Variants in FSIP1 observed in about 807,000 individuals in gnomAD.
FSIP1 encodes the protein fibrous sheath-interacting protein 1.
Under a neutral mutation model 60.9 loss-of-function variants are expected in FSIP1, and 65 were observed. The ratio of observed to expected loss-of-function variants is 1.07; its 90% CI spans 0.87 to 1.31. The LOEUF is 1.31. Among genes scored for constraint, FSIP1 ranks in the 40% most tolerant of loss-of-function variants. The pLI, the probability that FSIP1 is intolerant of heterozygous loss-of-function variation, is 0.00. For missense variants in FSIP1, 675 were observed against 665.5 expected (o/e 1.01, Z -0.16); for synonymous variants, 209 against 221.2 (o/e 0.94, Z 0.49).
At chr15:39,628,124 A>T (rs1891720241) in intron 10 of FSIP1, among the ~76,000 whole-genome samples, 1 of 152,192 alleles carries the variant, frequency 6.6e-6, no homozygotes, top group Non-Finnish European at 1.5e-5. Context: ...CTCATGGATT[A>T]ATAGGTGGTT....
chr15:39,770,512 G>A lies in FSIP1; in HGVS notation c.225C>T (p.Ser75=). 6.2e-7 allele frequency: 1 copy of A among 1,611,670 alleles called. No homozygotes were observed. Among genetic ancestry groups the A allele is most frequent in the Non-Finnish European group, 8.5e-7 (1 of 1,179,536 alleles). The change falls in exon 3 of 12, where the codon AGC becomes AGT. Residue 75 remains serine (S), a synonymous_variant. Coordinates refer to ENST00000350221, the MANE Select transcript of FSIP1 (RefSeq NM_152597.5). ...CAGCCAATTTTATTTTCTCAGAGCA[G>A]CTTTCCTGCTTATCATCATTACTAG... ...RRTSNDDKQE[S]CSEKIKLAEE...
At chr15:39,745,483 A>C (rs1896962996) in intron 5 of FSIP1, among the ~76,000 whole-genome samples, 1 of 152,220 alleles carries the variant, frequency 6.6e-6, no homozygotes. Flanking sequence ...ATTTCAGAAA[A>C]ATTAATAAAA....
intron 4 of FSIP1, 88 bp from the exon 5 acceptor site, chr15:39,764,002 A>G: frequency 1.4e-6 from 1 of 715,240 alleles, no homozygotes; most frequent in South Asian, 1.6e-5. Flanking sequence ...GCTCCCAATC[A>G]CATACGTACA....
At chr15:39,710,461 A>C (rs1387227904) in intron 10 of FSIP1, among the ~76,000 whole-genome samples, 1 of 149,478 alleles carries the variant, frequency 6.7e-6, no homozygotes, top group Non-Finnish European at 1.5e-5. Context: ...AAAAAAAAAA[A>C]CATAAAACAG....
chr15:39,710,613 T>C (rs1034189606), intron 10 of FSIP1, among the ~76,000 whole-genome samples: 2 of 152,146 alleles, frequency 1.3e-5, no homozygotes, highest in African/African-American at 4.8e-5. Flanking sequence ...AACAAGTTTA[T>C]CACACTTTAA....
intron 10 of FSIP1, among the ~76,000 whole-genome samples, chr15:39,647,786 G>A (rs1234397163): frequency 1.3e-5 from 2 of 151,976 alleles, no homozygotes; most frequent in Non-Finnish European, 1.5e-5. Flanking sequence ...TTTCCAAAAG[G>A]TCTATGTTTA....
intron 5 of FSIP1, among the ~76,000 whole-genome samples, chr15:39,754,361 CTG>C (rs780902469): frequency 6.6e-6 from 1 of 152,030 alleles, no homozygotes; most frequent in African/African-American, 2.4e-5. Context: ...CCCACAGAAA[CTG>C]TGAGATTATA....
chr15:39,712,540 C>T (rs1209488909), intron 10 of FSIP1, among the ~76,000 whole-genome samples: 1 of 152,150 alleles, frequency 6.6e-6, no homozygotes, highest in Non-Finnish European at 1.5e-5. Context: ...TTGGTTAAAA[C>T]TCAAAGAAGC....
intron 10 of FSIP1, among the ~76,000 whole-genome samples, chr15:39,653,062 G>T (rs758037176): frequency 1.3e-5 from 2 of 151,544 alleles, no homozygotes; most frequent in African/African-American, 4.8e-5. Context: ...TGTAGTCCCA[G>T]CTACTTGGGA....
At chr15:39,753,054 A>G (rs1940169519) in intron 5 of FSIP1, among the ~76,000 whole-genome samples, 1 of 152,162 alleles carries the variant, frequency 6.6e-6, no homozygotes, top group South Asian at 2.1e-4. Flanking sequence ...ATTGCATGTT[A>G]GTAAATTTTT....
At chr15:39,690,176 G>C (rs923067546) in intron 10 of FSIP1, among the ~76,000 whole-genome samples, 1 of 152,234 alleles carries the variant, frequency 6.6e-6, no homozygotes, top group Non-Finnish European at 1.5e-5. Context: ...GAGCTATGGC[G>C]AGAGATGAGA....
chr15:39,739,711 T>C lies in FSIP1; in HGVS notation c.734A>G (p.Glu245Gly). The C allele has an allele frequency of 6.2e-7, 1 of 1,602,054 alleles. No homozygotes were observed. The change falls in exon 7 of 12, where the codon GAG (glutamate) becomes GGG (glycine). Residue 245 changes from glutamate to glycine, a missense_variant. Coordinates refer to ENST00000350221, the MANE Select transcript of FSIP1 (RefSeq NM_152597.5). ...ATCCTGGTTGTGTTTACCCCTGAGCTCAATCTTTTCTGTATTCGAGAAAGG... is the reference window on the plus strand; with the variant it reads ...ATCCTGGTTGTGTTTACCCCTGAGCCCAATCTTTTCTGTATTCGAGAAAGG... ...KKPFSNTEKI[E>G]LRGKHNQDFI...
At chr15:39,713,699 C>T (rs1002841358) in intron 9 of FSIP1, 118 bp from the exon 10 acceptor site, 28 of 915,148 alleles carry the variant, frequency 3.1e-5, no homozygotes, top group Non-Finnish European at 4.2e-5. Context: ...TATTTCTTCC[C>T]TTCAAAACAA....
At position 39,618,141 on chromosome 15, in the gene FSIP1, C is replaced by T; in HGVS notation, c.1293G>A (p.Lys431=). ...CAGGTGTTACGTCCTCAATGTCTTCCTTTTTTCTTTCTGAAGAAAGTTTAA... is the reference window on the plus strand; with the variant it reads ...CAGGTGTTACGTCCTCAATGTCTTCTTTTTTTCTTTCTGAAGAAAGTTTAA... ...SIIKLSSERK[K]EDIEDVTPVF... The change falls in exon 11 of 12, where the codon AAG becomes AAA. Residue 431 remains lysine, a synonymous_variant. Transcript: ENST00000350221. The T allele has an allele frequency of 6.2e-7, 1 of 1,614,108 alleles. No homozygotes were observed. Among genetic ancestry groups the T allele is most frequent in the Non-Finnish European group, 8.5e-7 (1 of 1,179,998 alleles).
chr15:39,632,503 T>C (rs537820127), intron 10 of FSIP1, among the ~76,000 whole-genome samples: 8 of 152,146 alleles, frequency 5.3e-5, no homozygotes, highest in African/African-American at 1.2e-4. Flanking sequence ...AATATAGAAA[T>C]AACTGTCTTG....
intron 10 of FSIP1, among the ~76,000 whole-genome samples, chr15:39,709,440 C>T (rs1056674627): frequency 3.0e-4 from 46 of 152,204 alleles, no homozygotes; most frequent in Admixed American, 3.0e-3. Context: ...TCAAAAGTAA[C>T]TTTCAATAGA....
intron 11 of FSIP1, among the ~76,000 whole-genome samples, chr15:39,606,626 T>A (rs548993007): frequency 2.4e-3 from 368 of 152,298 alleles, no homozygotes; most frequent in African/African-American, 8.5e-3. Context: ...TGCTAACTTA[T>A]ACAATTTTTC....
chr15:39,711,508 C>A (rs573550603), intron 10 of FSIP1, among the ~76,000 whole-genome samples: 7 of 152,032 alleles, frequency 4.6e-5, no homozygotes, highest in Non-Finnish European at 7.4e-5. Flanking sequence ...GAGTGACAGG[C>A]TTAGCCCGCC....
In FSIP1 at chr15:39,741,806, T is replaced by G. The variant is rs78959490; in HGVS notation, c.654A>C (p.Lys218Asn). 348 of 1,497,772 alleles carry G rather than the reference T, an allele frequency of 2.3e-4. No homozygotes were observed. Among genetic ancestry groups the G allele is most frequent in the Non-Finnish European group, 3.1e-4 (331 of 1,075,436 alleles). The allele number at this position is 1,497,772 out of a possible 1,614,324, so 92.8% of individuals were successfully genotyped here. Residue 218 changes from lysine to asparagine, a missense_variant and splice_region_variant, in exon 6 of 12, where the codon AAA becomes AAC. Transcript: ENST00000350221. ...ATAATCACACAAATTTAAATATACC[T>G]TTATTGAGTTTCTGCATCTGCATTT... ...EYEMQMQKLN[K>N]DFTCDVERNE... is the part of the protein sequence containing the mutation.
Sources: gnomAD v4.1 joint callset for allele counts (sites outside exome capture counted in the v4.1 genomes callset) on GRCh38, gnomAD v4.1.1 for gene constraint, MANE v1.5 for transcripts, NCBI Gene and HGNC (gene_info 2026-07-23, HGNC 2026-07-21) for gene names.